Variants in SPRED2 observed in about 807,000 individuals in gnomAD.
SPRED2 encodes sprouty related EVH1 domain containing 2, also known as sprouty-related, EVH1 domain-containing protein 2.
A neutral mutation model predicts 43.0 loss-of-function variants in SPRED2; 47 were observed. The observed-to-expected ratio is 1.09, with a 90% CI of 0.87 to 1.40. The LOEUF (loss-of-function observed/expected upper bound fraction) is 1.40, where lower values mean the gene tolerates loss of function less well. Ranked by LOEUF, SPRED2 falls within the 40% of genes most tolerant of loss-of-function variation. The probability of loss-of-function intolerance (pLI) is 0.00; values close to 1 mark genes in which losing one functional copy is unlikely to be tolerated. For synonymous variants in SPRED2, 225 were observed against 225.7 expected, an observed-to-expected ratio of 1.00 and a Z score of 0.03; for missense variants, 561 against 586.4, an observed-to-expected ratio of 0.96 and a Z score of 0.45.
intron 2 of SPRED2, among the ~76,000 whole-genome samples, chr2:65,341,226 G>A (rs567844659): frequency 6.6e-6 from 1 of 152,134 alleles, no homozygotes; most frequent in South Asian, 2.1e-4. Flanking sequence ...AACAGGCAAG[G>A]TGAGGGATGG....
At position 65,312,166 on chromosome 2, in the gene SPRED2, C is replaced by T. The variant is rs1673088041; in HGVS notation, c.*1335G>A. ...TCTTTTCCAGCTAATTAGAAGCCTC[C>T]TCCGTGGCAAGGCGACAGGCAGAAC... On this transcript the variant is annotated 3_prime_UTR_variant, in exon 6 of 6. Coordinates refer to ENST00000356388, the MANE Select transcript of SPRED2 (RefSeq NM_181784.3). The T allele has an allele frequency of 2.0e-6, 2 of 985,654 alleles. No homozygotes were observed. Among genetic ancestry groups the T allele is most frequent in the Middle Eastern group, 5.2e-4 (1 of 1,914 alleles). 61.1% of individuals were successfully genotyped at this position (985,654 alleles called of 1,614,324 possible).
At position 65,334,747 on chromosome 2, in the gene SPRED2, C is replaced by T; in HGVS notation, c.231G>A (p.Lys77=). 6.2e-7 allele frequency: 1 copy of T among 1,614,214 alleles called. No homozygotes were observed. Among genetic ancestry groups the T allele is most frequent in the South Asian group, 1.1e-5 (1 of 91,080 alleles). ...KLVVLECYVR[K]DLVYTKANPT... is the part of the protein sequence containing the mutation. ...GATTGGCTTTGGTGTAGACCAAGTCCTTTCTTACATAGCATTCCAATACCA... is the reference window on the plus strand; with the variant it reads ...GATTGGCTTTGGTGTAGACCAAGTCTTTTCTTACATAGCATTCCAATACCA... Residue 77 remains lysine, a synonymous_variant, in exon 3 of 6, where the codon AAG becomes AAA. Coordinates refer to ENST00000356388, the MANE Select transcript of SPRED2 (RefSeq NM_181784.3).
intron 1 of SPRED2, among the ~76,000 whole-genome samples, chr2:65,371,452 T>C (rs1675122592): frequency 6.6e-6 from 1 of 152,170 alleles, no homozygotes; most frequent in South Asian, 2.1e-4. Flanking sequence ...TATCAACATC[T>C]TTGAGAAGTC....
At chr2:65,338,969 G>A (rs1333098766) in intron 2 of SPRED2, among the ~76,000 whole-genome samples, 3 of 145,770 alleles carry the variant, frequency 2.1e-5, no homozygotes, top group Non-Finnish European at 4.6e-5. Flanking sequence ...GGGAGGTGAG[G>A]GGCGCCTCTG....
intron 4 of SPRED2, among the ~76,000 whole-genome samples, chr2:65,324,807 T>G (rs1339529335): frequency 6.6e-6 from 1 of 152,144 alleles, no homozygotes; most frequent in Admixed American, 6.5e-5. Context: ...CAGGACTTTT[T>G]GGGGGCACTT....
chr2:65,409,237 C>G (rs988784691), intron 1 of SPRED2, among the ~76,000 whole-genome samples: 2 of 150,650 alleles, frequency 1.3e-5, no homozygotes, highest in Admixed American at 1.3e-4. Flanking sequence ...ACAGTAGCAG[C>G]CAGCAGCCAC....
chr2:65,406,771 A>G (rs13029865), intron 1 of SPRED2, among the ~76,000 whole-genome samples: 16,701 of 152,242 alleles, frequency 0.11, 1,367 homozygotes, highest in Non-Finnish European at 0.16. Context: ...TTCCACCAGA[A>G]TGGCCTGATA....
At chr2:65,423,327 C>T (rs1330939312) in intron 1 of SPRED2, among the ~76,000 whole-genome samples, 1 of 152,160 alleles carries the variant, frequency 6.6e-6, no homozygotes, top group Non-Finnish European at 1.5e-5. Flanking sequence ...GCCAAGGATG[C>T]TATTACAGGT....
intron 1 of SPRED2, among the ~76,000 whole-genome samples, chr2:65,401,734 A>G (rs1675893057): frequency 6.6e-6 from 1 of 151,952 alleles, no homozygotes; most frequent in African/African-American, 2.4e-5. Flanking sequence ...CAGGAGGTGG[A>G]GCTTGCAGTG....
chr2:65,386,159 C>T (rs1558679543), intron 1 of SPRED2, among the ~76,000 whole-genome samples: 1 of 151,908 alleles, frequency 6.6e-6, no homozygotes, highest in East Asian at 1.9e-4. Flanking sequence ...GTAGCGGGTG[C>T]CTATAATCCT....
At chr2:65,422,104 A>ACACACACACACACACACACT (rs1299857849) in intron 1 of SPRED2, among the ~76,000 whole-genome samples, 66 of 129,024 alleles carry the variant, frequency 5.1e-4, no homozygotes, top group Non-Finnish European at 4.5e-4. Context: ...ACACACACAC[A>ACACACACACACACACACACT]CTCTCTCTCT....
chr2:65,425,977 T>A (rs1356731069), intron 1 of SPRED2, among the ~76,000 whole-genome samples: 1 of 152,214 alleles, frequency 6.6e-6, no homozygotes, highest in Non-Finnish European at 1.5e-5. Context: ...CAGCCGGCAA[T>A]ACAAGAATGA....
chr2:65,374,834 T>C (rs1305097794), intron 1 of SPRED2, among the ~76,000 whole-genome samples: 3 of 152,246 alleles, frequency 2.0e-5, no homozygotes, highest in Non-Finnish European at 4.4e-5. Flanking sequence ...CTTACCTGCA[T>C]TCTGCATAGG....
chr2:65,420,518 A>G (rs569833643), intron 1 of SPRED2, among the ~76,000 whole-genome samples: 81 of 152,378 alleles, frequency 5.3e-4, no homozygotes, highest in Middle Eastern at 3.4e-3. Context: ...AAGCACTGAC[A>G]AGTGATGGAT....
intron 2 of SPRED2, among the ~76,000 whole-genome samples, chr2:65,335,138 C>A (rs780911941): frequency 1.3e-5 from 2 of 152,190 alleles, no homozygotes; most frequent in Non-Finnish European, 2.9e-5. Context: ...CTTCCCTCCC[C>A]CGAGGCTCCA....
intron 4 of SPRED2, among the ~76,000 whole-genome samples, chr2:65,326,750 C>T (rs959882612): frequency 6.6e-5 from 10 of 151,876 alleles, no homozygotes; most frequent in South Asian, 2.1e-4. Context: ...GTGATCTTCC[C>T]GCCTCGGCCT....
chr2:65,418,589 T>G (rs1419695923), intron 1 of SPRED2, among the ~76,000 whole-genome samples: 1 of 152,092 alleles, frequency 6.6e-6, no homozygotes, highest in East Asian at 1.9e-4. Flanking sequence ...GGTCTCACTT[T>G]GTTGCCCGGG....
At chr2:65,397,711 G>A (rs1004547666) in intron 1 of SPRED2, among the ~76,000 whole-genome samples, 3 of 151,108 alleles carry the variant, frequency 2.0e-5, no homozygotes, top group Admixed American at 2.0e-4. Context: ...CCTGAAGACA[G>A]GAGCCTCATC....
At chr2:65,381,793 T>G (rs967531950) in intron 1 of SPRED2, among the ~76,000 whole-genome samples, 11 of 152,212 alleles carry the variant, frequency 7.2e-5, no homozygotes, top group African/African-American at 2.7e-4. Flanking sequence ...TTCAACAGGT[T>G]CTGCCTGGAC....
Sources: allele counts gnomAD v4.1 joint callset (sites outside exome capture counted in the v4.1 genomes callset), GRCh38; gene constraint gnomAD v4.1.1; transcripts MANE v1.5; gene names NCBI Gene and HGNC (gene_info 2026-07-23, HGNC 2026-07-21).